CSMD1: variants seen among roughly 807,000 people sequenced by gnomAD.
The protein encoded by CSMD1 is CUB and sushi domain-containing protein 1.
CSMD1 carries 213 observed loss-of-function variants against 417.5 expected under a neutral mutation model. That is an observed-to-expected ratio of 0.51 (90% confidence interval 0.46 to 0.57). CSMD1 has a LOEUF of 0.57. CSMD1 is among the 20% of genes least tolerant of loss of function. The pLI is 0.00. For missense variants in CSMD1, 6,923 were observed against 4,529.7 expected (o/e 1.53, Z -15.17); for synonymous variants, 2,862 against 1,736.8 (o/e 1.65, Z -16.11).
At chr8:4,079,361 T>C (rs866621240) in intron 3 of CSMD1, among the ~76,000 whole-genome samples, 1 of 152,218 alleles carries the variant, frequency 6.6e-6, no homozygotes, top group Non-Finnish European at 1.5e-5. Context: ...CCATAATTTA[T>C]GTAATCTGTA....
chr8:4,627,751 A>T (rs1438173946), intron 2 of CSMD1, among the ~76,000 whole-genome samples: 2 of 152,126 alleles, frequency 1.3e-5, no homozygotes, highest in Admixed American at 6.6e-5. Context: ...GTTCCAGCTA[A>T]CCTCTTTAAG....
intron 5 of CSMD1, among the ~76,000 whole-genome samples, chr8:3,913,138 T>C (rs1410883936): frequency 6.6e-6 from 1 of 152,080 alleles, no homozygotes; most frequent in East Asian, 1.9e-4. Flanking sequence ...CACCTTGAAA[T>C]TTGAAGTATC....
intron 3 of CSMD1, among the ~76,000 whole-genome samples, chr8:4,164,371 T>G (rs908937008): frequency 2.6e-5 from 4 of 152,160 alleles, no homozygotes; most frequent in African/African-American, 7.2e-5. Flanking sequence ...ACTGTACTTG[T>G]TGGACAGAGA....
chr8:4,237,331 A>G (rs1241659969), intron 3 of CSMD1, among the ~76,000 whole-genome samples: 7 of 152,068 alleles, frequency 4.6e-5, no homozygotes, highest in African/African-American at 1.2e-4. Flanking sequence ...AACAGTAAAT[A>G]AACTAATCCT....
chr8:3,377,350 A>C (rs1449726551), intron 18 of CSMD1, among the ~76,000 whole-genome samples: 1 of 152,170 alleles, frequency 6.6e-6, no homozygotes, highest in Admixed American at 6.5e-5. Flanking sequence ...TATACTGAGA[A>C]ACATGTTCCA....
intron 26 of CSMD1, among the ~76,000 whole-genome samples, chr8:3,236,323 G>T (rs1799153394): frequency 6.6e-6 from 1 of 151,912 alleles, no homozygotes; most frequent in African/African-American, 2.4e-5. Context: ...AACTACTAAG[G>T]CTTACTTAAG....
intron 3 of CSMD1, among the ~76,000 whole-genome samples, chr8:4,250,207 G>A (rs77855540): frequency 0.041 from 6,188 of 152,262 alleles, 179 homozygotes; most frequent in Non-Finnish European, 0.061. Context: ...TACCTGGTCT[G>A]TAGTATTTTG....
intron 41 of CSMD1, chr8:3,127,295 A>G (rs1817560163): frequency 6.6e-6 from 1 of 152,222 alleles, no homozygotes; most frequent in African/African-American, 2.4e-5. Flanking sequence ...GGGTAAAAAC[A>G]GAGACTGAGT....
chr8:3,864,210 A>G (rs1426313775), intron 5 of CSMD1, among the ~76,000 whole-genome samples: 6 of 152,330 alleles, frequency 3.9e-5, no homozygotes, highest in Admixed American at 6.5e-5. Flanking sequence ...TAATTCAGAA[A>G]TACTCCTTGC....
At chr8:3,752,442 G>A (rs559979261) in intron 6 of CSMD1, among the ~76,000 whole-genome samples, 163 of 152,094 alleles carry the variant, frequency 1.1e-3, no homozygotes, top group Middle Eastern at 6.8e-3. Context: ...ATCATCTGAG[G>A]TCAGGAGTTC....
chr8:3,273,617 T>A (rs1017967595), intron 26 of CSMD1, among the ~76,000 whole-genome samples: 1 of 152,156 alleles, frequency 6.6e-6, no homozygotes, highest in African/African-American at 2.4e-5. Context: ...AGCTCCTGTT[T>A]TTGGTCTATT....
intron 10 of CSMD1, among the ~76,000 whole-genome samples, chr8:3,537,585 A>G (rs1240610006): frequency 2.0e-5 from 3 of 152,254 alleles, no homozygotes; most frequent in Non-Finnish European, 2.9e-5. Context: ...AGATAGCTCT[A>G]TTATTCTGAT....
At chr8:4,287,345 T>G (rs810437) in intron 3 of CSMD1, among the ~76,000 whole-genome samples, 6,839 of 152,310 alleles carry the variant, frequency 0.045, 246 homozygotes, top group South Asian at 0.15. Flanking sequence ...TTAATGATAC[T>G]TTTTAAGAAA....
At chr8:3,166,015 T>C (rs1585531625) in intron 37 of CSMD1, among the ~76,000 whole-genome samples, 4 of 152,128 alleles carry the variant, frequency 2.6e-5, no homozygotes, top group East Asian at 1.9e-4. Context: ...CAGAAAAAAT[T>C]AGACTATTTA....
chr8:3,309,255 C>G (rs1026374382), intron 23 of CSMD1, among the ~76,000 whole-genome samples: 3 of 152,066 alleles, frequency 2.0e-5, no homozygotes. Flanking sequence ...TATTCCAGCC[C>G]ATTGTCAAGA....
chr8:3,227,877 C>T (rs1179090869), intron 27 of CSMD1, among the ~76,000 whole-genome samples: 1 of 151,516 alleles, frequency 6.6e-6, no homozygotes, highest in African/African-American at 2.4e-5. Flanking sequence ...AAGTGATTCT[C>T]GTGCCTCAGC....
rs373216826 is a variant in CSMD1, at chr8:4,031,886, C to T, written c.610+19G>A. 6.3e-7 allele frequency: 1 copy of T among 1,587,764 alleles called. No homozygotes were observed. The highest frequency in any genetic ancestry group is 8.6e-7 in the Non-Finnish European group (1 of 1,163,184). On this transcript the variant is annotated intron_variant, in intron 4 of 69. Coordinates refer to ENST00000635120, the MANE Select transcript of CSMD1 (RefSeq NM_033225.6). Reference sequence around the variant, plus strand: ...CCCTGCCCTGGAGTCTGCTCACCAGCCCCCTTGTAGCACTGTACCTCTGCA... The same window carrying T: ...CCCTGCCCTGGAGTCTGCTCACCAGTCCCCTTGTAGCACTGTACCTCTGCA...
intron 2 of CSMD1, among the ~76,000 whole-genome samples, chr8:4,549,579 G>GAT (rs752306263): frequency 7.9e-5 from 12 of 151,956 alleles, no homozygotes; most frequent in Non-Finnish European, 1.6e-4. Context: ...CGTGATGCTG[G>GAT]CACTCTTGGA....
intron 3 of CSMD1, among the ~76,000 whole-genome samples, chr8:4,033,236 C>G (rs987077308): frequency 2.7e-5 from 4 of 150,110 alleles, no homozygotes; most frequent in Non-Finnish European, 5.9e-5. Context: ...GTCAAGAGAT[C>G]GAGACCATCC....
Sources: gnomAD v4.1 joint callset for allele counts (sites outside exome capture counted in the v4.1 genomes callset) on GRCh38, gnomAD v4.1.1 for gene constraint, MANE v1.5 for transcripts, NCBI Gene and HGNC (gene_info 2026-07-23, HGNC 2026-07-21) for gene names.